Variants in N4BP2 observed in about 807,000 individuals in gnomAD.
The protein encoded by N4BP2 is NEDD4 binding protein 2, also known as NEDD4-binding protein 2.
In N4BP2, 91 loss-of-function variants were observed where a neutral mutation model predicts 152.8. The observed-to-expected ratio is 0.60, with a 90% confidence interval of 0.50 to 0.71. N4BP2 has a LOEUF of 0.71. Ranked by LOEUF, N4BP2 falls within the 30% of genes least tolerant of loss-of-function variation. The probability of loss-of-function intolerance (pLI) is 0.00; values close to 1 mark genes in which losing one functional copy is unlikely to be tolerated. For missense variants in N4BP2, 1,923 were observed against 2,059.1 expected, an observed-to-expected ratio of 0.93 and a Z score of 1.28; for synonymous variants, 646 against 705.3, an observed-to-expected ratio of 0.92 and a Z score of 1.33.
At chr4:40,067,257 C>A (rs1364732952) in intron 1 of N4BP2, among the ~76,000 whole-genome samples, 2 of 151,714 alleles carry the variant, frequency 1.3e-5, no homozygotes, top group African/African-American at 2.4e-5. Flanking sequence ...GCCATGTTGC[C>A]CGGGCTGATC....
At chr4:40,133,069 T>G (rs1167718984) in intron 13 of N4BP2, among the ~76,000 whole-genome samples, 1 of 152,186 alleles carries the variant, frequency 6.6e-6, no homozygotes, top group Non-Finnish European at 1.5e-5. Context: ...TTGAAGGTTC[T>G]GGGCTTGTAC....
chr4:40,147,532 G>A (rs1244084165), intron 16 of N4BP2, among the ~76,000 whole-genome samples: 5 of 150,538 alleles, frequency 3.3e-5, no homozygotes, highest in East Asian at 2.0e-4. Context: ...GCGGCTGGCC[G>A]GGCAGAGGCG....
chr4:40,162,783 T>C (rs1721892657), downstream of N4BP2, among the ~76,000 whole-genome samples: 1 of 152,112 alleles, frequency 6.6e-6, no homozygotes, highest in Non-Finnish European at 1.5e-5. Context: ...TTGGCTCCTG[T>C]AATTTTGGAG....
intron 12 of N4BP2, among the ~76,000 whole-genome samples, chr4:40,131,582 G>T (rs780381234): frequency 6.6e-6 from 1 of 150,442 alleles, no homozygotes; most frequent in Non-Finnish European, 1.5e-5. Context: ...GTGTGTGTGT[G>T]TATATTTATA....
At chr4:40,168,377 G>T in the N4BP2 span, among the ~76,000 whole-genome samples, 1 of 152,024 alleles carries the variant, frequency 6.6e-6, no homozygotes, top group Admixed American at 6.6e-5. Context: ...AATTGGAAAA[G>T]CAATACTACA....
At chr4:40,135,965 G>T (rs1281763360) in intron 13 of N4BP2, among the ~76,000 whole-genome samples, 6 of 152,200 alleles carry the variant, frequency 3.9e-5, no homozygotes, top group African/African-American at 1.4e-4. Flanking sequence ...ATACTGAGCA[G>T]CATATAATTT....
Position 40,103,121 on chromosome 4 carries a change from C to T in N4BP2, c.1276C>T (p.Pro426Ser), listed in dbSNP as rs776401987. Reference protein sequence around the residue: ...GTSAYQVQETPVSQVVRKKTS... With the variant: ...GTSAYQVQETSVSQVVRKKTS... ...AAGTGCTTATCAAGTACAAGAAACC[C>T]CAGTTTCTCAGGTTGTAAGAAAGAA... The change falls in exon 4 of 18, where the codon CCA (proline) becomes TCA (serine). Residue 426 changes from proline to serine, a missense_variant. Physicochemically the swap from Pro to Ser is moderately conservative, Grantham distance 74. Transcript: ENST00000261435. The T allele has an allele frequency of 1.9e-6, 3 of 1,613,784 alleles. No individual in the cohort carries two copies. Among genetic ancestry groups the T allele is most frequent in the East Asian group, 2.2e-5 (1 of 44,896 alleles).
At chr4:40,077,780 G>C (rs1359539298) in intron 2 of N4BP2, 1 of 152,054 alleles carries the variant, frequency 6.6e-6, no homozygotes, top group Non-Finnish European at 1.5e-5. Flanking sequence ...TTGTTATAGA[G>C]ATCTGTTATT....
intron 1 of N4BP2, among the ~76,000 whole-genome samples, chr4:40,066,387 C>T (rs183595246): frequency 6.5e-4 from 93 of 143,430 alleles, no homozygotes; most frequent in Non-Finnish European, 1.2e-3. Flanking sequence ...GGCATGATCT[C>T]GGCTCATTGC....
intron 1 of N4BP2, among the ~76,000 whole-genome samples, chr4:40,068,265 A>G (rs1711753725): frequency 6.6e-6 from 1 of 152,186 alleles, no homozygotes; most frequent in African/African-American, 2.4e-5. Context: ...CTCATTCCGT[A>G]GGTTGCCTTA....
chr4:40,090,385 T>C (rs545607335), intron 2 of N4BP2, among the ~76,000 whole-genome samples: 44 of 152,362 alleles, frequency 2.9e-4, no homozygotes, highest in African/African-American at 9.6e-4. Flanking sequence ...ACATATTTAC[T>C]GTGTTGTCTT....
At position 40,142,775 on chromosome 4, in the gene N4BP2, C is replaced by T. The variant is rs1720149627; in HGVS notation, c.4888C>T (p.Gln1630Ter). 6.2e-7 allele frequency: 1 copy of T among 1,613,990 alleles called. No homozygotes were observed. Among genetic ancestry groups the T allele is most frequent in the East Asian group, 2.2e-5 (1 of 44,868 alleles). Reference protein sequence around the residue: ...DDYRAEAFLHQQKRMECYSKA... With the variant: ...DDYRAEAFLH ...CTACAGAGCAGAGGCTTTCCTTCACCAACAGAAGAGGATGGAGTGCTACAG... is the reference window on the plus strand; with the variant it reads ...CTACAGAGCAGAGGCTTTCCTTCACTAACAGAAGAGGATGGAGTGCTACAG... The change falls in exon 15 of 18, where the codon CAA (glutamine) becomes TAA (stop). Residue 1630 changes from glutamine (Q) to a stop codon, truncating the protein, a stop_gained. Coordinates refer to ENST00000261435, the MANE Select transcript of N4BP2 (RefSeq NM_018177.6). LOFTEE classifies it high-confidence loss of function.
intron 2 of N4BP2, among the ~76,000 whole-genome samples, chr4:40,096,359 G>C (rs1715106126): frequency 6.6e-6 from 1 of 152,180 alleles, no homozygotes; most frequent in African/African-American, 2.4e-5. Flanking sequence ...GGAGAAAAGT[G>C]GTTCAGTAGA....
At chr4:40,092,748 A>C (rs1223841676) in intron 2 of N4BP2, among the ~76,000 whole-genome samples, 2 of 150,304 alleles carry the variant, frequency 1.3e-5, no homozygotes, top group Non-Finnish European at 2.9e-5. Context: ...GGTTCAAACG[A>C]TTCTCTTGTC....
the N4BP2 span, among the ~76,000 whole-genome samples, chr4:40,186,100 C>G: frequency 6.6e-6 from 1 of 152,040 alleles, no homozygotes; most frequent in African/African-American, 2.4e-5. Flanking sequence ...TAAGACAGGC[C>G]TTTTAAGAGG....
intron 4 of N4BP2, among the ~76,000 whole-genome samples, chr4:40,104,463 C>T (rs1391578517): frequency 2.0e-5 from 3 of 151,542 alleles, no homozygotes; most frequent in Non-Finnish European, 4.4e-5. Context: ...AGTAAATTTC[C>T]ACATATTCTG....
chr4:40,073,064 T>A (rs1424120557), intron 1 of N4BP2, among the ~76,000 whole-genome samples: 3 of 152,166 alleles, frequency 2.0e-5, no homozygotes, highest in Non-Finnish European at 4.4e-5. Context: ...ATTTTAGCAT[T>A]CATTGATGAT....
At chr4:40,178,245 A>G in the N4BP2 span, among the ~76,000 whole-genome samples, 1 of 152,190 alleles carries the variant, frequency 6.6e-6, no homozygotes, top group Non-Finnish European at 1.5e-5. Flanking sequence ...ATCTAAAAAC[A>G]ATCTTTACCT....
chr4:40,144,810 T>C lies in N4BP2; in HGVS notation c.5143+10T>C, dbSNP rs772160856. The stretch of plus-strand genomic sequence containing the variant: ...GAGAAGAAGACTGAAGGTAGGACTG[T>C]GGTAATCACAAGTTTTCAATAGAAT... On this transcript the variant is annotated intron_variant, in intron 16 of 17. Coordinates refer to ENST00000261435, the MANE Select transcript of N4BP2 (RefSeq NM_018177.6). 2 of 1,589,160 alleles carry C rather than the reference T, an allele frequency of 1.3e-6. No homozygotes were observed. Among genetic ancestry groups the C allele is most frequent in the Non-Finnish European group, 1.7e-6 (2 of 1,168,680 alleles).
Sources: gnomAD v4.1 joint callset for allele counts (sites outside exome capture counted in the v4.1 genomes callset) on GRCh38, gnomAD v4.1.1 for gene constraint, MANE v1.5 for transcripts, NCBI Gene and HGNC (gene_info 2026-07-23, HGNC 2026-07-21) for gene names.